Variants in LRRC55 observed in about 807,000 individuals in gnomAD.
The protein encoded by LRRC55 is leucine rich repeat containing 55.
LRRC55 carries 11 observed loss-of-function variants against 20.5 expected under a neutral mutation model. That is an observed-to-expected ratio of 0.54 (90% CI 0.34 to 0.89). LRRC55 has a LOEUF of 0.89. Ranked by LOEUF, LRRC55 falls within the 40% of genes least tolerant of loss-of-function variation. LRRC55 has a pLI of 0.02. For synonymous variants in LRRC55, 188 were observed against 166.6 expected (o/e 1.13, Z -0.99); for missense variants, 358 against 390.9 (o/e 0.92, Z 0.71).
At position 57,188,484 on chromosome 11, in the gene LRRC55, C is replaced by G. The variant is rs767690949; in HGVS notation, c.*1004C>G. ...CATTTTCTTCTAAGCAACTTACCCA[C>G]GTTAAGCATGAGGGTGAGAGAGCTA... On this transcript the variant is annotated 3_prime_UTR_variant, in exon 2 of 2. Coordinates refer to ENST00000497933, the MANE Select transcript of LRRC55 (RefSeq NM_001005210.4). 5 of 152,256 alleles carry G rather than the reference C, an allele frequency of 3.3e-5. No homozygotes were observed. The highest frequency in any genetic ancestry group is 7.2e-5 in the African/African-American group (3 of 41,424). The allele number at this position is 152,256 out of a possible 1,614,324, so 9.4% of individuals were successfully genotyped here.
rs1295740885 is a variant in LRRC55 at position 57,187,326 on chromosome 11, C to T, written c.743C>T (p.Ala248Val). The T allele has an allele frequency of 1.2e-6, 2 of 1,614,202 alleles. No individual in the cohort carries two copies. Among genetic ancestry groups the T allele is most frequent in the East Asian group, 2.2e-5 (1 of 44,878 alleles). ...LFSLTEESFK[A>V]CHLTLTLDDY... ...TCACTCACTGAGGAGAGCTTCAAGG[C>T]CTGCCACCTGACCCTGACCCTGGAT... The change falls in exon 2 of 2, where the codon GCC becomes GTC. Residue 248 changes from alanine (A) to valine (V), a missense_variant. Physicochemically the swap from Ala to Val is moderately conservative, Grantham distance 64. Coordinates refer to ENST00000497933, the MANE Select transcript of LRRC55 (RefSeq NM_001005210.4).
At chr11:57,185,657 GA>G (rs1565180217) in intron 1 of LRRC55, among the ~76,000 whole-genome samples, 4 of 151,876 alleles carry the variant, frequency 2.6e-5, no homozygotes, top group African/African-American at 7.3e-5. Context: ...CAAAAAAAAA[GA>G]CTTACCCAAG....
At position 57,182,181 on chromosome 11, in the gene LRRC55, C is replaced by T. The variant is rs746901027; in HGVS notation, c.159C>T (p.Ser53=). The T allele has an allele frequency of 9.9e-6, 16 of 1,614,216 alleles. No homozygotes were observed. The African/African-American group carries it at 2.1e-4, about 22-fold the overall frequency. The change falls in exon 1 of 2, where the codon AGC becomes AGT. Residue 53 remains serine (S), a synonymous_variant. Transcript: ENST00000497933. ...GTAACCAGGTGGTGGATTGTAGCAGCCAGCGGCTATTCTCCGTGCCCCCAG... is the reference window on the plus strand; with the variant it reads ...GTAACCAGGTGGTGGATTGTAGCAGTCAGCGGCTATTCTCCGTGCCCCCAG... ...TCRNQVVDCS[S]QRLFSVPPDL...
In LRRC55 at chr11:57,182,383, A is replaced by C; in HGVS notation, c.361A>C (p.Ser121Arg). 1 of 1,613,640 alleles carries C rather than the reference A, an allele frequency of 6.2e-7. No homozygotes were observed. The highest frequency in any genetic ancestry group is 8.5e-7 in the Non-Finnish European group (1 of 1,179,932). ...HAKRLAHLDL[S>R]YNNFSHVPAD... is the part of the protein sequence containing the mutation. The stretch of plus-strand genomic sequence containing the variant: ...CAAGCGCTTGGCACACTTGGACCTG[A>C]GCTACAACAATTTCAGCCATGTGCC... The change falls in exon 1 of 2, where the codon AGC becomes CGC. Residue 121 changes from serine to arginine, a missense_variant. Coordinates refer to ENST00000497933, the MANE Select transcript of LRRC55 (RefSeq NM_001005210.4).
chr11:57,190,416 A>G lies in LRRC55; in HGVS notation c.*2936A>G, dbSNP rs970634911. 2.6e-5 allele frequency: 4 copies of G among 152,230 alleles called. No homozygotes were observed. The highest frequency in any genetic ancestry group is 5.9e-5 in the Non-Finnish European group (4 of 68,060). 9.4% of individuals were successfully genotyped at this position (152,230 alleles called of 1,614,324 possible). On this transcript the variant is annotated 3_prime_UTR_variant, in exon 2 of 2. Coordinates refer to ENST00000497933, the MANE Select transcript of LRRC55 (RefSeq NM_001005210.4). ...GTATTCAACCTCCCTACTGCCAAGG[A>G]ATTCCCTGCTTCTCCCCCACCGCCA...
Position 57,182,254 on chromosome 11 carries a change from ACAG to A in LRRC55, c.236_238del (p.Ala79del), listed in dbSNP as rs1854367717. 6.2e-7 allele frequency: 1 copy of A among 1,614,014 alleles called. No individual in the cohort carries two copies. The highest frequency in any genetic ancestry group is 2.2e-5 in the East Asian group (1 of 44,882). On this transcript the variant is annotated inframe_deletion, in exon 1 of 2. Coordinates refer to ENST00000497933, the MANE Select transcript of LRRC55 (RefSeq NM_001005210.4). Reference sequence around the variant, plus strand: ...CCTCAGCCTGGCCCACAACCGCATCACAGCAGTGCCGCCTGGCTACCTCACATG... The same window carrying A: ...CCTCAGCCTGGCCCACAACCGCATCACAGTGCCGCCTGGCTACCTCACATG...
At chr11:57,184,238 C>T (rs1252091851) in intron 1 of LRRC55, among the ~76,000 whole-genome samples, 1 of 151,544 alleles carries the variant, frequency 6.6e-6, no homozygotes, top group Non-Finnish European at 1.5e-5. Context: ...GGCGCGCCTT[C>T]CCTCTCTCTC....
intron 1 of LRRC55, among the ~76,000 whole-genome samples, chr11:57,185,075 C>G (rs1238497767): frequency 6.6e-6 from 1 of 152,110 alleles, no homozygotes; most frequent in African/African-American, 2.4e-5. Flanking sequence ...CCTGACTCCC[C>G]ATTTCCAAGG....
In LRRC55 at chr11:57,190,626, C is replaced by A. The variant is rs181120165; in HGVS notation, c.*3146C>A. ...CGAGGTTCCTTGTATATTGGCTGTC[C>A]GCTGACTTGGGACAGATCTCTCTAG... On this transcript the variant is annotated 3_prime_UTR_variant, in exon 2 of 2. Coordinates refer to ENST00000497933, the MANE Select transcript of LRRC55 (RefSeq NM_001005210.4). 3 of 152,144 alleles carry A rather than the reference C, an allele frequency of 2.0e-5. No homozygotes were observed. The highest frequency in any genetic ancestry group is 7.2e-5 in the African/African-American group (3 of 41,426). The allele number at this position is 152,144 out of a possible 1,614,324, so 9.4% of individuals were successfully genotyped here.
chr11:57,187,145 G>C, intron 1 of LRRC55, 100 bp from the exon 2 acceptor site: 2 of 1,035,580 alleles, frequency 1.9e-6, no homozygotes, highest in Non-Finnish European at 2.9e-6. Flanking sequence ...GAACTTCAAT[G>C]AATGTCTTTC....
At position 57,182,915 on chromosome 11, in the gene LRRC55, C is replaced by T. The variant is rs575730609; in HGVS notation, c.661+232C>T. Among the ~76,000 whole-genome samples the T allele has an allele frequency of 9.7e-4, 148 of 152,290 alleles. 1 individual carries two copies. Among genetic ancestry groups the T allele is most frequent in the Non-Finnish European group, 1.6e-3 (109 of 68,026 alleles). On this transcript the variant is annotated intron_variant, in intron 1 of 1. Coordinates refer to ENST00000497933, the MANE Select transcript of LRRC55 (RefSeq NM_001005210.4). ...ATTAAATAGATGTCCCTCACCACTG[C>T]GCTGCTCATGACCTAATGAGGCAGA...
chr11:57,189,577 T>C lies in LRRC55; in HGVS notation c.*2097T>C, dbSNP rs1420184238. ...CTTTGGGAATCAAGAAAGGAAGCTG[T>C]GTTAACCACTCCTGCTCAAGCCCTG... On this transcript the variant is annotated 3_prime_UTR_variant, in exon 2 of 2. Coordinates refer to ENST00000497933, the MANE Select transcript of LRRC55 (RefSeq NM_001005210.4). The C allele has an allele frequency of 6.6e-6, 1 of 152,242 alleles. No homozygotes were observed. The highest frequency in any genetic ancestry group is 2.4e-5 in the African/African-American group (1 of 41,442). 9.4% of individuals were successfully genotyped at this position (152,242 alleles called of 1,614,324 possible).
intron 1 of LRRC55, among the ~76,000 whole-genome samples, chr11:57,186,968 T>C (rs1002760688): frequency 6.6e-6 from 1 of 152,182 alleles, no homozygotes; most frequent in Non-Finnish European, 1.5e-5. Context: ...TTGTAAGAGA[T>C]GATGGTGTCC....
intron 1 of LRRC55, among the ~76,000 whole-genome samples, chr11:57,184,980 C>T (rs1368649582): frequency 6.6e-6 from 1 of 152,176 alleles, no homozygotes; most frequent in Non-Finnish European, 1.5e-5. Flanking sequence ...AGGATCCTGG[C>T]CTGGGCAGGA....
rs902893351 is a variant in LRRC55 at position 57,184,821 on chromosome 11, T to G, written c.661+2138T>G. 2.6e-5 allele frequency among the ~76,000 whole-genome samples: 4 copies of G among 152,310 alleles called. No homozygotes were observed. In the East Asian group the frequency reaches 5.8e-4, roughly 22 times the overall value. On this transcript the variant is annotated intron_variant, in intron 1 of 1. Coordinates refer to ENST00000497933, the MANE Select transcript of LRRC55 (RefSeq NM_001005210.4). ...CATCCTGTGTGGTCCCACCAAGGGCTGTCAGGGGCTCCTCTGGCTGGTCCA... is the reference window on the plus strand; with the variant it reads ...CATCCTGTGTGGTCCCACCAAGGGCGGTCAGGGGCTCCTCTGGCTGGTCCA...
At chr11:57,186,288 A>T (rs2135335337) in intron 1 of LRRC55, among the ~76,000 whole-genome samples, 2 of 152,352 alleles carry the variant, frequency 1.3e-5, no homozygotes, top group Middle Eastern at 3.4e-3. Flanking sequence ...GGAGTTGGAC[A>T]GACTCTTATA....
At chr11:57,184,136 A>G (rs1381336292) in intron 1 of LRRC55, among the ~76,000 whole-genome samples, 1 of 152,216 alleles carries the variant, frequency 6.6e-6, no homozygotes, top group African/African-American at 2.4e-5. Flanking sequence ...ATTCTCTTGC[A>G]TCAAAATAGC....
chr11:57,185,270 CT>C (rs58800728), intron 1 of LRRC55, among the ~76,000 whole-genome samples: 2,860 of 89,578 alleles, frequency 0.032, 251 homozygotes, highest in Non-Finnish European at 0.042. Context: ...CTTTTCTTTT[CT>C]TTTTTTTTTT....
At chr11:57,182,729 C>T in intron 1 of LRRC55, 46 bp downstream of exon 1, 1 of 1,409,346 alleles carries the variant, frequency 7.1e-7, no homozygotes, top group East Asian at 2.4e-5. Flanking sequence ...GGGCTTGCCT[C>T]AATGGGAAGC....
Sources: gnomAD v4.1 joint callset for allele counts (sites outside exome capture counted in the v4.1 genomes callset) on GRCh38, gnomAD v4.1.1 for gene constraint, MANE v1.5 for transcripts, NCBI Gene and HGNC (gene_info 2026-07-23, HGNC 2026-07-21) for gene names.